LHFPL2: variants seen among roughly 807,000 people sequenced by gnomAD.
LHFPL2 encodes the protein LHFPL tetraspan subfamily member 2 protein.
LHFPL2 carries 7 observed loss-of-function variants against 17.5 expected under a neutral mutation model. The observed-to-expected ratio is 0.40, with a 90% confidence interval of 0.23 to 0.75. LHFPL2 has a LOEUF of 0.75. LHFPL2 is among the 30% of genes least tolerant of loss of function. The probability of loss-of-function intolerance (pLI) is 0.37; values close to 1 mark genes in which losing one functional copy is unlikely to be tolerated. For synonymous variants in LHFPL2, 134 were observed against 116.2 expected (o/e 1.15, Z -0.99); for missense variants, 241 against 294.8 (o/e 0.82, Z 1.34).
chr5:78,525,132 A>G (rs1332419314), intron 3 of LHFPL2, among the ~76,000 whole-genome samples: 1 of 152,180 alleles, frequency 6.6e-6, no homozygotes, highest in East Asian at 1.9e-4. Context: ...GGCCAAAAAC[A>G]ATGTCTTTAG....
rs147264467 is a variant in LHFPL2, at chr5:78,617,931, G to A, written c.-245+14333C>T. Among the ~76,000 whole-genome samples, 935 of 152,206 alleles carry A rather than the reference G, an allele frequency of 6.1e-3. 9 individuals are homozygous for A. The highest frequency in any genetic ancestry group is 0.022 in the African/African-American group (894 of 41,526). The stretch of plus-strand genomic sequence containing the variant: ...TTAAAAAAATTCAGGGGCTGGGCGC[G>A]GTGGCTCACACCTGTAATCCCAGCA... On this transcript the variant is annotated intron_variant, in intron 2 of 4. Transcript: ENST00000380345.
intron 3 of LHFPL2, among the ~76,000 whole-genome samples, chr5:78,555,209 A>G (rs949687761): frequency 6.6e-6 from 1 of 152,258 alleles, no homozygotes; most frequent in African/African-American, 2.4e-5. Flanking sequence ...CATGAATACT[A>G]TACATTAGAC....
intron 2 of LHFPL2, among the ~76,000 whole-genome samples, chr5:78,569,341 T>C (rs918140601): frequency 6.6e-6 from 1 of 152,224 alleles, no homozygotes; most frequent in Non-Finnish European, 1.5e-5. Flanking sequence ...CCTACTTTAC[T>C]GTGCTCTACT....
chr5:78,622,193 T>A (rs1357742526), intron 2 of LHFPL2, among the ~76,000 whole-genome samples: 1 of 152,072 alleles, frequency 6.6e-6, no homozygotes, highest in Non-Finnish European at 1.5e-5. Context: ...AGCGACAGGG[T>A]GGCACCAGCA....
intron 2 of LHFPL2, among the ~76,000 whole-genome samples, chr5:78,610,134 C>A (rs554652504): frequency 6.6e-6 from 1 of 152,198 alleles, no homozygotes; most frequent in East Asian, 1.9e-4. Context: ...ACTCAAGTCA[C>A]CCCACCCCAG....
At chr5:78,637,441 G>T (rs900996321) in intron 1 of LHFPL2, among the ~76,000 whole-genome samples, 1 of 152,282 alleles carries the variant, frequency 6.6e-6, no homozygotes, top group East Asian at 1.9e-4. Context: ...TCAACTGGAA[G>T]AGCTCATAAC....
intron 4 of LHFPL2, among the ~76,000 whole-genome samples, chr5:78,503,774 A>G (rs1179962823): frequency 6.6e-6 from 1 of 152,214 alleles, no homozygotes; most frequent in African/African-American, 2.4e-5. Flanking sequence ...CTTGCTTTTC[A>G]GCAGTCATTT....
At chr5:78,565,115 T>C (rs768056993) in intron 2 of LHFPL2, among the ~76,000 whole-genome samples, 4 of 152,200 alleles carry the variant, frequency 2.6e-5, no homozygotes, top group Non-Finnish European at 4.4e-5. Context: ...GTCCAGCTTG[T>C]GAACATGTAC....
Position 78,522,433 on chromosome 5 carries a change from G to T in LHFPL2, c.-185-12035C>A, listed in dbSNP as rs570493984. On this transcript the variant is annotated intron_variant, in intron 3 of 4. Transcript: ENST00000380345. ...GCCTGGGTGACAGAGTGAGACTCTT[G>T]TCTCAAAATAAAAAAAAAATTTTAA... Among the ~76,000 whole-genome samples, 17 of 152,018 alleles carry T rather than the reference G, an allele frequency of 1.1e-4. No homozygotes were observed. The South Asian group carries it at 2.1e-3, about 19-fold the overall frequency.
chr5:78,494,567 C>T, intron 4 of LHFPL2: 1 of 975,260 alleles, frequency 1.0e-6, no homozygotes, highest in Non-Finnish European at 1.2e-6. Context: ...AGCTGATGGT[C>T]AGTCACTTGG....
chr5:78,545,027 T>C (rs1756229435), intron 3 of LHFPL2, among the ~76,000 whole-genome samples: 2 of 152,196 alleles, frequency 1.3e-5, no homozygotes, highest in South Asian at 4.1e-4. Flanking sequence ...TCATTTCTCA[T>C]GGACAATGAA....
chr5:78,534,427 A>G (rs1057018555), intron 3 of LHFPL2, among the ~76,000 whole-genome samples: 1 of 152,158 alleles, frequency 6.6e-6, no homozygotes, highest in Non-Finnish European at 1.5e-5. Flanking sequence ...CCCACAAAGG[A>G]CAGGGCTGTG....
intron 2 of LHFPL2, among the ~76,000 whole-genome samples, chr5:78,619,485 T>TTATATA (rs60911149): frequency 1.7e-4 from 26 of 148,832 alleles, no homozygotes; most frequent in African/African-American, 6.4e-4. Flanking sequence ...GAGTTTTTAT[T>TTATATA]TATATATATA....
chr5:78,512,613 G>A (rs866512506), intron 3 of LHFPL2, among the ~76,000 whole-genome samples: 4 of 151,902 alleles, frequency 2.6e-5, no homozygotes, highest in Non-Finnish European at 4.4e-5. Flanking sequence ...GAGCCTGCAC[G>A]TACCCATCAG....
At chr5:78,513,978 G>T (rs1755213500) in intron 3 of LHFPL2, among the ~76,000 whole-genome samples, 1 of 152,226 alleles carries the variant, frequency 6.6e-6, no homozygotes, top group South Asian at 2.1e-4. Context: ...GGGGGCTTCT[G>T]CAGTGGTTTG....
At chr5:78,528,407 T>C (rs561728512) in intron 3 of LHFPL2, among the ~76,000 whole-genome samples, 2 of 152,334 alleles carry the variant, frequency 1.3e-5, no homozygotes, top group African/African-American at 4.8e-5. Context: ...TATTGTGAAC[T>C]GTGTGTGCAA....
At position 78,520,311 on chromosome 5, in the gene LHFPL2, A is replaced by G. The variant is rs6879311; in HGVS notation, c.-185-9913T>C. ...CCACTAGGCAGGCAGGCAGGAAAAC[A>G]CGGGTCCCGACCCAGGCTCTCGGCT... On this transcript the variant is annotated intron_variant, in intron 3 of 4. Coordinates refer to ENST00000380345, the MANE Select transcript of LHFPL2 (RefSeq NM_005779.3). Among the ~76,000 whole-genome samples the G allele has an allele frequency of 7.7e-3, 1,169 of 152,324 alleles. 22 individuals are homozygous for G. The highest frequency in any genetic ancestry group is 0.027 in the African/African-American group (1,110 of 41,572).
intron 2 of LHFPL2, among the ~76,000 whole-genome samples, chr5:78,577,518 G>T (rs529435374): frequency 6.6e-6 from 1 of 151,992 alleles, no homozygotes; most frequent in African/African-American, 2.4e-5. Context: ...GCTGAAACTG[G>T]CAACTGGAAC....
At chr5:78,614,697 A>G (rs985069047) in intron 2 of LHFPL2, among the ~76,000 whole-genome samples, 10 of 152,250 alleles carry the variant, frequency 6.6e-5, no homozygotes, top group African/African-American at 1.9e-4. Flanking sequence ...GTTTAGAAAA[A>G]GAAAAAAGGA....
Sources: allele counts gnomAD v4.1 joint callset (sites outside exome capture counted in the v4.1 genomes callset), GRCh38; gene constraint gnomAD v4.1.1; transcripts MANE v1.5; gene names NCBI Gene and HGNC (gene_info 2026-07-23, HGNC 2026-07-21).